The following MYT1L variants were observed in gnomAD, a reference collection of about 807,000 sequenced individuals.
MYT1L encodes the protein myelin transcription factor 1 like, also known as myelin transcription factor 1-like protein.
MYT1L carries 12 observed loss-of-function variants against 126.7 expected under a neutral mutation model. That is an observed-to-expected ratio of 0.09 (90% CI 0.06 to 0.15). The LOEUF (loss-of-function observed/expected upper bound fraction) is 0.15, where lower values mean the gene tolerates loss of function less well. MYT1L is among the 10% of genes least tolerant of loss of function. MYT1L has a pLI of 1.00. For missense variants in MYT1L, 979 were observed against 1,585.2 expected (o/e 0.62, Z 6.49); for synonymous variants, 541 against 604.2 (o/e 0.90, Z 1.53).
At chr2:1,850,376 C>G (rs1293500464) in intron 19 of MYT1L, among the ~76,000 whole-genome samples, 1 of 152,124 alleles carries the variant, frequency 6.6e-6, no homozygotes. Flanking sequence ...AGCTACCTTA[C>G]AACTTCGTTT....
intron 1 of MYT1L, among the ~76,000 whole-genome samples, chr2:2,307,616 G>A (rs2095875643): frequency 6.6e-6 from 1 of 151,822 alleles, no homozygotes; most frequent in Admixed American, 6.6e-5. Flanking sequence ...ACTATTGTAA[G>A]TATGACACTC....
rs768634293 is a variant in MYT1L, at chr2:2,225,541, C to T, written c.-420-52553G>A. ...AACCGTGAGGCTGGTCTCATTGACT[C>T]GACCTTTACTTTCCTCAGTTCATGT... On this transcript the variant is annotated intron_variant, in intron 2 of 24. Transcript: ENST00000647738. Among the ~76,000 whole-genome samples, 18 of 152,264 alleles carry T rather than the reference C, an allele frequency of 1.2e-4. 1 individual carries two copies. Among genetic ancestry groups the T allele is most frequent in the Middle Eastern group, 6.8e-3 (2 of 294 alleles).
At chr2:2,094,402 C>T (rs982939669) in intron 3 of MYT1L, among the ~76,000 whole-genome samples, 3 of 152,122 alleles carry the variant, frequency 2.0e-5, no homozygotes, top group Non-Finnish European at 4.4e-5. Context: ...TACCATTTGA[C>T]CCAGCCATCC....
chr2:2,207,828 C>T (rs1245350148), intron 2 of MYT1L, among the ~76,000 whole-genome samples: 1 of 152,132 alleles, frequency 6.6e-6, no homozygotes, highest in East Asian at 1.9e-4. Flanking sequence ...TGATTATTAA[C>T]TCAGATTAAG....
chr2:1,837,889 C>CTTTTT (rs397775613), intron 21 of MYT1L, among the ~76,000 whole-genome samples: 1 of 144,688 alleles, frequency 6.9e-6, no homozygotes, highest in African/African-American at 2.6e-5. Context: ...TTCTCTCTCT[C>CTTTTT]TTTTTTTTTT....
At chr2:1,822,407 G>C (rs1057282359) in intron 21 of MYT1L, among the ~76,000 whole-genome samples, 1 of 152,220 alleles carries the variant, frequency 6.6e-6, no homozygotes. Flanking sequence ...GCACCTTTCT[G>C]CAAGGTGTCT....
At chr2:2,265,677 T>C (rs189490932) in intron 2 of MYT1L, among the ~76,000 whole-genome samples, 2 of 152,334 alleles carry the variant, frequency 1.3e-5, no homozygotes, top group Admixed American at 6.5e-5. Context: ...TTATTTAATC[T>C]TTTGGTAACA....
At chr2:1,904,797 AT>A (rs35388568) in intron 13 of MYT1L, among the ~76,000 whole-genome samples, 38,151 of 144,124 alleles carry the variant, frequency 0.26, 5,933 homozygotes, top group African/African-American at 0.47. Context: ...CGCCTGGCTA[AT>A]TTTTTTTTTT....
chr2:1,801,752 C>T lies in MYT1L; in HGVS notation c.3220G>A (p.Glu1074Lys), dbSNP rs2034895680. ...ATCTGGGAATTGGATTCATTTAGCT[C>T]CTTGATTTCTTCATCTAACTGTTTG... is the stretch of plus-strand genomic sequence containing the variant. ...EIKQLDEEIK[E>K]LNESNSQMEA... is the part of the protein sequence containing the mutation. Residue 1074 changes from glutamate to lysine, a missense_variant, in exon 23 of 25, where the codon GAG (glutamate) becomes AAG (lysine). Glu to Lys is a moderately conservative substitution (Grantham distance 56). This residue lies in a region of MYT1L where 179 missense variants were observed against 398.6 expected (regional missense o/e 0.45). Transcript: ENST00000647738. This position sits in a 1 kb window ranked among gnomAD's most constrained non-coding sequence, Gnocchi z 4.2. 1 of 1,611,966 alleles carries T rather than the reference C, an allele frequency of 6.2e-7. No homozygotes were observed. The highest frequency in any genetic ancestry group is 8.5e-7 in the Non-Finnish European group (1 of 1,178,836).
chr2:2,113,514 G>A (rs951188351), intron 3 of MYT1L, among the ~76,000 whole-genome samples: 4 of 152,168 alleles, frequency 2.6e-5, no homozygotes, highest in African/African-American at 7.2e-5. Context: ...GGATTTCCAC[G>A]TGGAAATGTA....
intron 1 of MYT1L, among the ~76,000 whole-genome samples, chr2:2,286,864 G>T (rs2095528625): frequency 6.6e-6 from 1 of 152,184 alleles, no homozygotes; most frequent in South Asian, 2.1e-4. Flanking sequence ...AATCACGAAG[G>T]CAGGGAGTGG....
rs1251019937 is a variant in MYT1L, at chr2:1,798,270, T to C, written c.3276+3426A>G. ...GGTCTCCCTCCATCCGGCACAGGCG[T>C]GGCGGTCTTCCCCATCCGGCACAGG... On this transcript the variant is annotated intron_variant, in intron 23 of 24. Transcript: ENST00000647738. Among the ~76,000 whole-genome samples, 284 of 145,966 alleles carry C rather than the reference T, an allele frequency of 1.9e-3. 2 individuals carry two copies. Among genetic ancestry groups the C allele is most frequent in the East Asian group, 3.0e-3 (14 of 4,700 alleles).
intron 18 of MYT1L, among the ~76,000 whole-genome samples, chr2:1,881,227 C>T (rs758816536): frequency 1.8e-4 from 27 of 152,136 alleles, no homozygotes; most frequent in Non-Finnish European, 3.2e-4. Flanking sequence ...GAGGCTCCTG[C>T]TGCTGGGCTC....
intron 22 of MYT1L, among the ~76,000 whole-genome samples, chr2:1,804,109 GT>G (rs1310547976): frequency 1.3e-5 from 2 of 152,042 alleles, no homozygotes; most frequent in Admixed American, 1.3e-4. Context: ...TGGAACTAGG[GT>G]TTTTTTGTTG....
chr2:2,024,222 A>T (rs1031185094), intron 4 of MYT1L, among the ~76,000 whole-genome samples: 2 of 152,220 alleles, frequency 1.3e-5, no homozygotes, highest in African/African-American at 4.8e-5. Flanking sequence ...TATATATACT[A>T]CATTATTATT....
intron 3 of MYT1L, among the ~76,000 whole-genome samples, chr2:2,153,021 G>A (rs2086067713): frequency 6.6e-6 from 1 of 152,186 alleles, no homozygotes; most frequent in Non-Finnish European, 1.5e-5. Context: ...AAGAGGTCCA[G>A]GCATCATGGC....
intron 2 of MYT1L, among the ~76,000 whole-genome samples, chr2:2,251,853 G>A (rs911742896): frequency 6.8e-6 from 1 of 148,024 alleles, no homozygotes; most frequent in Admixed American, 6.8e-5. Flanking sequence ...AAGGAAGGAA[G>A]GGAGGGAGGA....
At chr2:2,325,792 A>G (rs775787750) in intron 1 of MYT1L, 7 of 152,264 alleles carry the variant, frequency 4.6e-5, no homozygotes, top group East Asian at 1.9e-4. Flanking sequence ...AGTGCCCACA[A>G]TGGCATTACA....
intron 2 of MYT1L, among the ~76,000 whole-genome samples, chr2:2,200,394 G>A (rs936758929): frequency 8.5e-5 from 13 of 152,168 alleles, no homozygotes; most frequent in African/African-American, 2.4e-4. Context: ...GTGTCCATGC[G>A]TTTTTCTGCT....
Sources: allele counts gnomAD v4.1 joint callset (sites outside exome capture counted in the v4.1 genomes callset), GRCh38; gene constraint gnomAD v4.1.1; regional missense constraint gnomAD v4.1.1; non-coding constraint Gnocchi (gnomAD v3.1); transcripts MANE v1.5; gene names NCBI Gene and HGNC (gene_info 2026-07-23, HGNC 2026-07-21).